PPP1R7: variants seen among roughly 807,000 people sequenced by gnomAD.
The protein encoded by PPP1R7 is protein phosphatase 1 regulatory subunit 22.
PPP1R7 carries 18 observed loss-of-function variants against 45.2 expected under a neutral mutation model. The observed-to-expected ratio is 0.40, with a 90% CI of 0.28 to 0.59. The LOEUF (loss-of-function observed/expected upper bound fraction) is 0.59. Among genes scored for constraint, PPP1R7 ranks in the 20% least tolerant of loss-of-function variants. PPP1R7 has a pLI of 0.46. For synonymous variants in PPP1R7, 181 were observed against 183.4 expected, an observed-to-expected ratio of 0.99 and a Z score of 0.11; for missense variants, 314 against 455.8, an observed-to-expected ratio of 0.69 and a Z score of 2.83.
chr2:241,152,490 G>A (rs2067346773), intron 1 of PPP1R7, among the ~76,000 whole-genome samples: 1 of 152,216 alleles, frequency 6.6e-6, no homozygotes, highest in Admixed American at 6.5e-5. Flanking sequence ...CGTCATTGCG[G>A]GGGTAGGGAA....
intron 9 of PPP1R7, among the ~76,000 whole-genome samples, chr2:241,174,072 A>T (rs1477815135): frequency 1.3e-5 from 2 of 152,130 alleles, no homozygotes; most frequent in Non-Finnish European, 2.9e-5. Flanking sequence ...TTCCTTCAAA[A>T]CATACTGAAC....
intron 2 of PPP1R7, among the ~76,000 whole-genome samples, chr2:241,156,492 G>A (rs1004276806): frequency 1.3e-5 from 2 of 152,088 alleles, no homozygotes; most frequent in East Asian, 1.9e-4. Context: ...GCAACATAGC[G>A]AGACCCTGAT....
At chr2:241,153,432 C>T (rs2125478473) in intron 1 of PPP1R7, 44 bp from the exon 2 acceptor site, 1 of 1,611,496 alleles carries the variant, frequency 6.2e-7, no homozygotes, top group Middle Eastern at 1.7e-4. Flanking sequence ...TCCTCAAAGT[C>T]CCATAAAGTG....
chr2:241,151,671 C>A (rs952200036), intron 1 of PPP1R7: 2 of 418,762 alleles, frequency 4.8e-6, no homozygotes. Flanking sequence ...TCCTCCCACT[C>A]CCTCTTCAGC....
At chr2:241,159,133 T>C in intron 4 of PPP1R7, 80 bp from the exon 5 acceptor site, 1 of 1,504,750 alleles carries the variant, frequency 6.6e-7, no homozygotes, top group Non-Finnish European at 9.1e-7. Context: ...AAGGCCTTTC[T>C]TGTGTCCTCC....
chr2:241,173,128 T>G (rs1000867300), intron 9 of PPP1R7, among the ~76,000 whole-genome samples: 2 of 151,774 alleles, frequency 1.3e-5, no homozygotes, highest in Admixed American at 1.3e-4. Context: ...AAAAATTAGC[T>G]GGGCGTGGTG....
At chr2:241,163,458 G>C (rs2067639793) in intron 7 of PPP1R7, 57 bp downstream of exon 7, 1 of 1,215,682 alleles carries the variant, frequency 8.2e-7, no homozygotes, top group African/African-American at 1.5e-5. Flanking sequence ...CAGCGCTGCT[G>C]GACACAATCT....
At chr2:241,150,947 A>G (rs1427102334) in intron 1 of PPP1R7, among the ~76,000 whole-genome samples, 1 of 152,222 alleles carries the variant, frequency 6.6e-6, no homozygotes, top group Non-Finnish European at 1.5e-5. Flanking sequence ...TCCTTGGTTC[A>G]CGTGGTGAGG....
At chr2:241,149,689 C>T (rs1174092963), upstream of PPP1R7, 11 of 1,550,030 alleles carry the variant, frequency 7.1e-6, no homozygotes, top group South Asian at 1.2e-5. Context: ...CGGTTTCCTC[C>T]CGACTCGCGA....
intron 1 of PPP1R7, among the ~76,000 whole-genome samples, chr2:241,151,288 G>C (rs2067294642): frequency 6.6e-6 from 1 of 152,152 alleles, no homozygotes; most frequent in South Asian, 2.1e-4. Flanking sequence ...AGTACTTTTG[G>C]GTCCCATGGT....
chr2:241,167,141 G>T (rs1472615780), intron 8 of PPP1R7: 3 of 1,407,794 alleles, frequency 2.1e-6, no homozygotes, highest in Non-Finnish European at 2.9e-6. Context: ...CCAGTGCGGT[G>T]TTCAAGACAA....
intron 9 of PPP1R7, among the ~76,000 whole-genome samples, chr2:241,179,083 A>C (rs1262998023): frequency 6.6e-6 from 1 of 152,162 alleles, no homozygotes; most frequent in Non-Finnish European, 1.5e-5. Flanking sequence ...AAAACCCCAT[A>C]AATACAAAAT....
chr2:241,149,901 C>A, upstream of PPP1R7: 1 of 1,438,448 alleles, frequency 7.0e-7, no homozygotes, highest in Non-Finnish European at 9.1e-7. Flanking sequence ...CCCACCAGCG[C>A]AAGTGCCCCG....
chr2:241,177,806 G>A (rs1486430467), intron 9 of PPP1R7, among the ~76,000 whole-genome samples: 1 of 152,226 alleles, frequency 6.6e-6, no homozygotes, highest in Non-Finnish European at 1.5e-5. Context: ...AAAGGCAGTA[G>A]CCAGGGGAGG....
intron 9 of PPP1R7, among the ~76,000 whole-genome samples, chr2:241,174,095 G>A (rs1246445647): frequency 6.6e-6 from 1 of 152,142 alleles, no homozygotes; most frequent in African/African-American, 2.4e-5. Flanking sequence ...TATCTGACAG[G>A]CAATTAAGTT....
In PPP1R7 at chr2:241,157,823, T is replaced by C. The variant is rs1325054584; in HGVS notation, c.198T>C (p.Pro66=). 1 of 1,614,060 alleles carries C rather than the reference T, an allele frequency of 6.2e-7. No homozygotes were observed. Among genetic ancestry groups the C allele is most frequent in the Non-Finnish European group, 8.5e-7 (1 of 1,179,892 alleles). ...EEDPEEEHEL[P]VDMETINLDR... is the part of the protein sequence containing the mutation. ...TTTTTTCAGAAGAACATGAGCTGCC[T>C]GTGGACATGGAAACCATCAACCTGG... The change falls in exon 3 of 10, where the codon CCT becomes CCC. Residue 66 remains proline (P), a synonymous_variant. Transcript: ENST00000234038.
chr2:241,149,646 A>G, upstream of PPP1R7: 1 of 1,540,700 alleles, frequency 6.5e-7, no homozygotes, highest in East Asian at 2.4e-5. Context: ...CCAAAGGAAT[A>G]ATGGGCGCCT....
At position 241,182,766 on chromosome 2, in the gene PPP1R7, G is replaced by A; in HGVS notation, c.1026G>A (p.Lys342=). 2 of 1,614,180 alleles carry A rather than the reference G, an allele frequency of 1.2e-6. No individual in the cohort carries two copies. Among genetic ancestry groups the A allele is most frequent in the Non-Finnish European group, 1.7e-6 (2 of 1,180,028 alleles). Residue 342 remains lysine (K), a synonymous_variant, in exon 10 of 10, where the codon AAG becomes AAA. Coordinates refer to ENST00000234038, the MANE Select transcript of PPP1R7 (RefSeq NM_002712.3). ...AGAAGGACCCCCAGTACCGGCGGAA[G>A]GTCATGCTCGCCCTCCCCTCCGTGC... is the stretch of plus-strand genomic sequence containing the variant. ...PLQKDPQYRR[K]VMLALPSVRQ...
intron 8 of PPP1R7, among the ~76,000 whole-genome samples, chr2:241,166,661 AGT>A (rs1457696866): frequency 6.6e-6 from 1 of 152,196 alleles, no homozygotes; most frequent in Non-Finnish European, 1.5e-5. Context: ...CTCTGCCCTG[AGT>A]GTGCCTTGAA....
Sources: allele counts gnomAD v4.1 joint callset (sites outside exome capture counted in the v4.1 genomes callset), GRCh38; gene constraint gnomAD v4.1.1; transcripts MANE v1.5; gene names NCBI Gene and HGNC (gene_info 2026-07-23, HGNC 2026-07-21).